Variants in CCDC33 observed in about 807,000 individuals in gnomAD.
CCDC33 encodes coiled-coil domain containing 33, also known as coiled-coil domain-containing protein 33.
A neutral mutation model predicts 91.9 loss-of-function variants in CCDC33; 94 were observed. The ratio of observed to expected loss-of-function variants is 1.02; its 90% CI spans 0.87 to 1.21. CCDC33 has a LOEUF of 1.21. Ranked by LOEUF, CCDC33 falls within the 50% of genes most tolerant of loss-of-function variation. CCDC33 has a pLI of 0.00. For missense variants in CCDC33, 940 were observed against 935.5 expected, an observed-to-expected ratio of 1.00 and a Z score of -0.06; for synonymous variants, 396 against 374.5, an observed-to-expected ratio of 1.06 and a Z score of -0.66.
intron 1 of CCDC33, among the ~76,000 whole-genome samples, chr15:74,239,111 C>T (rs1339855911): frequency 2.0e-5 from 3 of 152,280 alleles, no homozygotes; most frequent in South Asian, 2.1e-4. Context: ...ATGACAGATC[C>T]GGGCAGCCAG....
At chr15:74,260,754 A>G (rs1315193053) in intron 2 of CCDC33, among the ~76,000 whole-genome samples, 1 of 152,146 alleles carries the variant, frequency 6.6e-6, no homozygotes, top group Non-Finnish European at 1.5e-5. Context: ...GTAGACCCAG[A>G]ACTGGGGGCA....
At chr15:74,310,940 T>C (rs560677883) in intron 11 of CCDC33, among the ~76,000 whole-genome samples, 1 of 152,160 alleles carries the variant, frequency 6.6e-6, no homozygotes, top group East Asian at 1.9e-4. Flanking sequence ...CTGAAGCACT[T>C]TGTGAAGCTC....
intron 1 of CCDC33, among the ~76,000 whole-genome samples, chr15:74,243,457 C>A (rs1453319441): frequency 6.6e-6 from 1 of 152,192 alleles, no homozygotes; most frequent in East Asian, 1.9e-4. Flanking sequence ...GGTGGCCTGT[C>A]TCATCCTGCA....
chr15:74,229,255 G>A (rs986555823), intron 2 of CCDC33, among the ~76,000 whole-genome samples: 1 of 152,208 alleles, frequency 6.6e-6, no homozygotes, highest in Non-Finnish European at 1.5e-5. Context: ...CACTTTGGGA[G>A]ACCGAGGCAG....
chr15:74,240,264 G>A (rs1277273842), intron 1 of CCDC33, among the ~76,000 whole-genome samples: 2 of 152,254 alleles, frequency 1.3e-5, no homozygotes, highest in African/African-American at 2.4e-5. Context: ...AGATAGAGGA[G>A]GAGCCGGTGT....
chr15:74,302,157 T>C (rs2142671766), intron 11 of CCDC33: 1 of 152,322 alleles, frequency 6.6e-6, no homozygotes, highest in African/African-American at 2.4e-5. Context: ...TCTCTTCCTT[T>C]CTTGAGTCTG....
intron 16 of CCDC33, chr15:74,333,419 T>G (rs1596146421): frequency 1.1e-6 from 1 of 908,578 alleles, no homozygotes; most frequent in Non-Finnish European, 1.7e-6. Context: ...AGCAGAACAT[T>G]TGGAATCACA....
intron 9 of CCDC33, 139 bp from the exon 10 acceptor site, chr15:74,281,639 G>A (rs1050031372): frequency 1.1e-5 from 8 of 726,758 alleles, no homozygotes; most frequent in Non-Finnish European, 1.4e-5. Flanking sequence ...AAAAGCAGGA[G>A]GCCAGCTCCC....
chr15:74,277,407 G>A (rs934196263), intron 7 of CCDC33, among the ~76,000 whole-genome samples: 1 of 152,236 alleles, frequency 6.6e-6, no homozygotes, highest in African/African-American at 2.4e-5. Context: ...ATAAGGCGGT[G>A]GGCGTGGAGG....
Position 74,330,769 on chromosome 15 carries a change from G to T in CCDC33, c.1545+18G>T. Reference sequence around the variant, plus strand: ...TGATTCGAGTGAGCTGGGGCTTGTGGGGGCAGAGGGGAGGGAGCTATGGTG... The same window carrying T: ...TGATTCGAGTGAGCTGGGGCTTGTGTGGGCAGAGGGGAGGGAGCTATGGTG... On this transcript the variant is annotated intron_variant, in intron 13 of 18. Coordinates refer to ENST00000398814, the MANE Select transcript of CCDC33 (RefSeq NM_025055.5). The T allele has an allele frequency of 6.2e-7, 1 of 1,606,340 alleles. No individual in the cohort carries two copies. Among genetic ancestry groups the T allele is most frequent in the Non-Finnish European group, 8.5e-7 (1 of 1,173,950 alleles).
At chr15:74,236,914 C>T (rs1403491611) in intron 1 of CCDC33, among the ~76,000 whole-genome samples, 174 bp downstream of exon 1, 1 of 152,234 alleles carries the variant, frequency 6.6e-6, no homozygotes. Context: ...CCCAGGTTAG[C>T]TGCCCTATAC....
upstream of CCDC33, among the ~76,000 whole-genome samples, chr15:74,234,980 C>T (rs1407023890): frequency 2.6e-5 from 4 of 152,236 alleles, no homozygotes; most frequent in African/African-American, 9.6e-5. Context: ...GCTGCCCTAG[C>T]CTCCTAGACT....
At chr15:74,247,614 C>T (rs1390711815) in intron 2 of CCDC33, among the ~76,000 whole-genome samples, 2 of 152,098 alleles carry the variant, frequency 1.3e-5, no homozygotes, top group Admixed American at 1.3e-4. Flanking sequence ...ACTGCATAAT[C>T]CCACTTAATG....
At chr15:74,210,893 G>A (rs1337003682) in intron 2 of CCDC33, among the ~76,000 whole-genome samples, 1 of 152,234 alleles carries the variant, frequency 6.6e-6, no homozygotes, top group Non-Finnish European at 1.5e-5. Context: ...AAACAGTTGT[G>A]ATAGCTGGAT....
chr15:74,205,810 G>C (rs2074248116), intron 1 of CCDC33, among the ~76,000 whole-genome samples: 3 of 152,196 alleles, frequency 2.0e-5, no homozygotes, highest in Admixed American at 2.0e-4. Context: ...AGACACAGAG[G>C]CCACCAAGGG....
intron 2 of CCDC33, among the ~76,000 whole-genome samples, chr15:74,246,823 T>C (rs931287537): frequency 6.6e-6 from 1 of 152,196 alleles, no homozygotes; most frequent in Admixed American, 6.5e-5. Flanking sequence ...CTACTGGGTA[T>C]ATATCCAAAG....
Position 74,335,920 on chromosome 15 carries a change from C to A in CCDC33, c.2140-5C>A. 1 of 1,612,746 alleles carries A rather than the reference C, an allele frequency of 6.2e-7. No individual in the cohort carries two copies. The highest frequency in any genetic ancestry group is 1.1e-5 in the South Asian group (1 of 91,034). On this transcript the variant is annotated splice_region_variant and splice_polypyrimidine_tract_variant and intron_variant, in intron 18 of 18. Transcript: ENST00000398814. ...TACTCACGCACCCCGCTTTGCACAC[C>A]ACAGAGTGCCCTCACCCACTCCATG... is the stretch of plus-strand genomic sequence containing the variant.
intron 11 of CCDC33, among the ~76,000 whole-genome samples, chr15:74,314,080 C>T (rs540406263): frequency 6.6e-6 from 1 of 152,228 alleles, no homozygotes; most frequent in Non-Finnish European, 1.5e-5. Flanking sequence ...CCTGTATCAC[C>T]TGACAAACTC....
intron 1 of CCDC33, chr15:74,209,219 C>G (rs2074329810): frequency 9.3e-7 from 1 of 1,077,434 alleles, no homozygotes; most frequent in Non-Finnish European, 1.3e-6. Flanking sequence ...GGTATAGCCT[C>G]TCCACACCCC....
Sources: allele counts gnomAD v4.1 joint callset (sites outside exome capture counted in the v4.1 genomes callset), GRCh38; gene constraint gnomAD v4.1.1; transcripts MANE v1.5; gene names NCBI Gene and HGNC (gene_info 2026-07-23, HGNC 2026-07-21).